OR6N2: variants seen among roughly 807,000 people sequenced by gnomAD.
OR6N2 encodes olfactory receptor family 6 subfamily N member 2, also known as olfactory receptor 6N2.
For synonymous variants in OR6N2, 160 were observed against 138.3 expected (o/e 1.16, Z -1.10); for missense variants, 399 against 379.7 (o/e 1.05, Z -0.42).
At chr1:158,779,158 A>G (rs983556309) in intron 1 of OR6N2, among the ~76,000 whole-genome samples, 14 of 152,216 alleles carry the variant, frequency 9.2e-5, no homozygotes, top group Non-Finnish European at 1.9e-4. Flanking sequence ...CATACAAAAT[A>G]GTATTGGACA....
In OR6N2 at chr1:158,777,477, T is replaced by C. The variant is rs1657637123; in HGVS notation, c.159A>G (p.Ala53=). Residue 53 remains alanine (A), a synonymous_variant, in exon 2 of 2, where the codon GCA becomes GCG. Transcript: ENST00000641131. ...MLIFSVIRLD[A]ALHTPMYHFV... ...AGTGGTACATAGGTGTGTGCAGAGC[T>C]GCATCCAGTCGGATGACTGAGAAGA... The C allele has an allele frequency of 6.2e-7, 1 of 1,614,212 alleles. No individual in the cohort carries two copies. Among genetic ancestry groups the C allele is most frequent in the Non-Finnish European group, 8.5e-7 (1 of 1,180,040 alleles).
At position 158,776,460 on chromosome 1, in the gene OR6N2, T is replaced by TA. The variant is rs981141502; in HGVS notation, c.*221dup. The TA allele has an allele frequency of 1.0e-5, 4 of 386,792 alleles. No homozygotes were observed. Among genetic ancestry groups the TA allele is most frequent in the South Asian group, 8.0e-5 (1 of 12,534 alleles). The allele number at this position is 386,792 out of a possible 1,614,324, so 24.0% of individuals were successfully genotyped here. A position where few individuals can be genotyped will look rare whatever the true frequency, so the allele number is the denominator to read the frequency against. On this transcript the variant is annotated 3_prime_UTR_variant, in exon 2 of 2. Coordinates refer to ENST00000641131, the MANE Select transcript of OR6N2 (RefSeq NM_001005278.2). ...CCTAGGAAATATACATGCTTTTTTT[T>TA]AAAAAAAGAAGTATGTAGATACTAA...
At chr1:158,780,133 C>G (rs1355664745) in intron 1 of OR6N2, among the ~76,000 whole-genome samples, 3 of 152,168 alleles carry the variant, frequency 2.0e-5, no homozygotes, top group Non-Finnish European at 4.4e-5. Flanking sequence ...TTTAGTCTGG[C>G]CTCAACTTTC....
At chr1:158,779,655 A>C (rs1395151731) in intron 1 of OR6N2, among the ~76,000 whole-genome samples, 1 of 152,158 alleles carries the variant, frequency 6.6e-6, no homozygotes, top group Non-Finnish European at 1.5e-5. Context: ...TCACCTCTCC[A>C]ATTACAGGAG....
chr1:158,778,937 T>A (rs1310005267), intron 1 of OR6N2, among the ~76,000 whole-genome samples: 4 of 138,380 alleles, frequency 2.9e-5, no homozygotes, highest in Non-Finnish European at 1.5e-5. Flanking sequence ...GAGAATGGAG[T>A]GAACCCGGGA....
chr1:158,779,333 T>A (rs983202756), intron 1 of OR6N2, among the ~76,000 whole-genome samples: 2 of 152,194 alleles, frequency 1.3e-5, no homozygotes, highest in Non-Finnish European at 2.9e-5. Flanking sequence ...CTAGTTATCA[T>A]ACTGACAAAC....
intron 1 of OR6N2, among the ~76,000 whole-genome samples, chr1:158,778,351 C>A (rs187883849): frequency 6.6e-6 from 1 of 152,082 alleles, no homozygotes; most frequent in Admixed American, 6.5e-5. Context: ...TGAAAAAAAA[C>A]TTTTAGAGGA....
chr1:158,779,630 A>G (rs1657700033), intron 1 of OR6N2, among the ~76,000 whole-genome samples: 2 of 152,204 alleles, frequency 1.3e-5, no homozygotes, highest in African/African-American at 4.8e-5. Context: ...CTTCTAACCT[A>G]AAGAGACTGT....
Position 158,777,004 on chromosome 1 carries a change from A to G in OR6N2, c.632T>C (p.Phe211Ser). 6.2e-7 allele frequency: 1 copy of G among 1,614,176 alleles called. No individual in the cohort carries two copies. The highest frequency in any genetic ancestry group is 8.5e-7 in the Non-Finnish European group (1 of 1,180,028). ...AINAFIILITFFFIMISYARI... is the reference protein window; with the variant it reads ...AINAFIILITSFFIMISYARI... ...TGCATAAGAAATCATGATAAAGAAG[A>G]AAGTGATAAGAATTATGAAAGCATT... The change falls in exon 2 of 2, where the codon TTC (phenylalanine) becomes TCC (serine). Residue 211 changes from phenylalanine (F) to serine (S), a missense_variant. By Grantham distance (155) the Phe-to-Ser change is radical. Transcript: ENST00000641131.
At chr1:158,780,839 A>G (rs1045222084) in intron 1 of OR6N2, among the ~76,000 whole-genome samples, 1 of 152,194 alleles carries the variant, frequency 6.6e-6, no homozygotes, top group Non-Finnish European at 1.5e-5. Flanking sequence ...CATCTGTGTC[A>G]GCACTTGACC....
rs1377449210 is a variant in OR6N2 at position 158,777,218 on chromosome 1, G to A, written c.418C>T (p.Leu140Phe). ...CAAGCAGCAGCCATCTTGGCACAGA[G>A]TGTGGTGGTCATAATTATAGGGTAG... The part of the protein sequence containing the change: ...LHYPIIMTTT[L>F]CAKMAAACWT... Residue 140 changes from leucine (L) to phenylalanine (F), a missense_variant, in exon 2 of 2, where the codon CTC becomes TTC. Coordinates refer to ENST00000641131, the MANE Select transcript of OR6N2 (RefSeq NM_001005278.2). The A allele has an allele frequency of 6.2e-7, 1 of 1,614,120 alleles. No homozygotes were observed. The highest frequency in any genetic ancestry group is 1.1e-5 in the South Asian group (1 of 91,076).
At chr1:158,778,664 C>T (rs1421211741) in intron 1 of OR6N2, among the ~76,000 whole-genome samples, 1 of 152,010 alleles carries the variant, frequency 6.6e-6, no homozygotes. Context: ...TGTGAATTTG[C>T]CTTGTGGGTA....
chr1:158,777,736 A>G, intron 1 of OR6N2, 95 bp from the exon 2 acceptor site: 1 of 719,962 alleles, frequency 1.4e-6, no homozygotes, highest in East Asian at 2.7e-5. Flanking sequence ...TTAACTTAAA[A>G]GTAGCACTGA....
Position 158,777,089 on chromosome 1 carries a change from G to T in OR6N2, c.547C>A (p.Pro183Thr). Reference protein sequence around the residue: ...EIQHIFCDFPPLLSLACKDTS... With the variant: ...EIQHIFCDFPTLLSLACKDTS... ...TCCTTGCAGGCCAAGCTCAGCAAAG[G>T]TGGAAAGTCACAGAAAATGTGTTGG... is the stretch of plus-strand genomic sequence containing the variant. The change falls in exon 2 of 2, where the codon CCT (proline) becomes ACT (threonine). Residue 183 changes from proline (P) to threonine (T), a missense_variant. By Grantham distance (38) the Pro-to-Thr change is conservative. Coordinates refer to ENST00000641131, the MANE Select transcript of OR6N2 (RefSeq NM_001005278.2). The T allele has an allele frequency of 6.2e-7, 1 of 1,614,182 alleles. No individual in the cohort carries two copies. The highest frequency in any genetic ancestry group is 8.5e-7 in the Non-Finnish European group (1 of 1,180,018).
At position 158,776,790 on chromosome 1, in the gene OR6N2, T is replaced by C. The variant is rs763467485; in HGVS notation, c.846A>G (p.Thr282=). ...TGTAGATAATTGGATTGACCATTGGTGTTAGTACGGAGTAAACTATAGCAA... is the reference window on the plus strand; with the variant it reads ...TGTAGATAATTGGATTGACCATTGGCGTTAGTACGGAGTAAACTATAGCAA... ...RTLAIVYSVL[T]PMVNPIIYSL... is the part of the protein sequence containing the mutation. Residue 282 remains threonine (T), a synonymous_variant, in exon 2 of 2, where the codon ACA becomes ACG. Coordinates refer to ENST00000641131, the MANE Select transcript of OR6N2 (RefSeq NM_001005278.2). 9 of 1,613,916 alleles carry C rather than the reference T, an allele frequency of 5.6e-6. No homozygotes were observed. The highest frequency in any genetic ancestry group is 6.8e-6 in the Non-Finnish European group (8 of 1,179,898).
Position 158,777,136 on chromosome 1 carries a change from G to T in OR6N2, c.500C>A (p.Pro167Gln), listed in dbSNP as rs773345517. 74 of 1,614,050 alleles carry T rather than the reference G, an allele frequency of 4.6e-5. No individual in the cohort carries two copies. The highest frequency in any genetic ancestry group is 6.0e-5 in the Non-Finnish European group (71 of 1,180,034). The change falls in exon 2 of 2, where the codon CCA (proline) becomes CAA (glutamine). Residue 167 changes from proline (P) to glutamine (Q), a missense_variant. Transcript: ENST00000641131. ...TTGGATTTCATTGTAAGCACAAAAT[G>T]GGAGCTGGGAGGCAAGGATGACCTC... ...ISEVILASQLPFCAYNEIQHI... is the reference protein window; with the variant it reads ...ISEVILASQLQFCAYNEIQHI...
intron 1 of OR6N2, among the ~76,000 whole-genome samples, chr1:158,778,029 A>G (rs2102015708): frequency 6.6e-6 from 1 of 152,364 alleles, no homozygotes; most frequent in African/African-American, 2.4e-5. Flanking sequence ...GCTCTATACT[A>G]TATGACTGTT....
Position 158,777,064 on chromosome 1 carries a change from T to C in OR6N2, c.572A>G (p.Asp191Gly). The change falls in exon 2 of 2, where the codon GAC (aspartate) becomes GGC (glycine). Residue 191 changes from aspartate to glycine, a missense_variant. By Grantham distance (94) the Asp-to-Gly change is moderately conservative (BLOSUM62 -1). Transcript: ENST00000641131. ...GTCCACCAGAATGTTAGCAGATGTG[T>C]CCTTGCAGGCCAAGCTCAGCAAAGG... ...FPPLLSLACK[D>G]TSANILVDFA... 6.2e-7 allele frequency: 1 copy of C among 1,614,114 alleles called. No homozygotes were observed.
intron 1 of OR6N2, among the ~76,000 whole-genome samples, chr1:158,779,900 A>C (rs1657707286): frequency 6.6e-6 from 1 of 152,230 alleles, no homozygotes; most frequent in African/African-American, 2.4e-5. Flanking sequence ...TGTCTTCCCC[A>C]AAAATTGTTA....
Sources: gnomAD v4.1 joint callset for allele counts (sites outside exome capture counted in the v4.1 genomes callset) on GRCh38, gnomAD v4.1.1 for gene constraint, MANE v1.5 for transcripts, NCBI Gene and HGNC (gene_info 2026-07-23, HGNC 2026-07-21) for gene names.